Variants in CUL2 observed in about 807,000 individuals in gnomAD.
CUL2 encodes cullin-2.
In CUL2, 22 loss-of-function variants were observed where a neutral mutation model predicts 110.2. The observed-to-expected ratio is 0.20, with a 90% CI of 0.14 to 0.28. CUL2 has a LOEUF of 0.28. Ranked by LOEUF, CUL2 falls within the 10% of genes least tolerant of loss-of-function variation. The pLI is 1.00. For synonymous variants in CUL2, 279 were observed against 293.2 expected (o/e 0.95, Z 0.49); for missense variants, 631 against 905.5 (o/e 0.70, Z 3.89).
intron 12 of CUL2, 52 bp downstream of exon 12, chr10:35,032,383 T>C: frequency 2.1e-6 from 3 of 1,458,950 alleles, no homozygotes; most frequent in Non-Finnish European, 2.8e-6. Flanking sequence ...GAGTTCTCAT[T>C]TTCTAATACT....
At chr10:35,084,569 T>C (rs1342615253) in intron 1 of CUL2, among the ~76,000 whole-genome samples, 1 of 152,196 alleles carries the variant, frequency 6.6e-6, no homozygotes, top group Non-Finnish European at 1.5e-5. Flanking sequence ...CCAAAGATTA[T>C]GCTAACTGCA....
At chr10:35,054,561 A>C in intron 4 of CUL2, 22 bp from the exon 5 acceptor site, 37 of 1,282,074 alleles carry the variant, frequency 2.9e-5, no homozygotes, top group Non-Finnish European at 4.0e-5. Context: ...ATGTAATATC[A>C]ATGGATATTA....
chr10:35,066,245 A>AT (rs1444534483), intron 2 of CUL2, among the ~76,000 whole-genome samples: 3 of 152,196 alleles, frequency 2.0e-5, no homozygotes, highest in African/African-American at 7.2e-5. Context: ...AGACAACCAA[A>AT]AAAGGATTTG....
chr10:35,025,659 G>T (rs2085319992), intron 16 of CUL2, among the ~76,000 whole-genome samples: 1 of 152,130 alleles, frequency 6.6e-6, no homozygotes, highest in Admixed American at 6.5e-5. Context: ...TATATCTCTG[G>T]ATTATTCTTT....
intron 5 of CUL2, among the ~76,000 whole-genome samples, chr10:35,053,185 T>C (rs1473071145): frequency 6.6e-6 from 1 of 152,206 alleles, no homozygotes; most frequent in Non-Finnish European, 1.5e-5. Flanking sequence ...AGTGATTTTC[T>C]GGGAAGAGAA....
intron 1 of CUL2, among the ~76,000 whole-genome samples, chr10:35,084,769 T>C (rs1279123643): frequency 6.6e-6 from 1 of 152,184 alleles, no homozygotes; most frequent in Non-Finnish European, 1.5e-5. Context: ...GAGCCAGTCA[T>C]AAGTCCTCAT....
In CUL2 at chr10:35,090,189, A is replaced by C. The variant is rs1308633345; in HGVS notation, c.-33T>G. The C allele has an allele frequency of 6.5e-6, 1 of 152,944 alleles. No individual in the cohort carries two copies. Among genetic ancestry groups the C allele is most frequent in the Non-Finnish European group, 1.5e-5 (1 of 68,126 alleles). The allele number at this position is 152,944 out of a possible 1,614,324, so 9.5% of individuals were successfully genotyped here. ...CCTCAGCGGGGTTACCTTCTGCAGA[A>C]GCAGGGCAAGGGGCAGGGGACAAGG... On this transcript the variant is annotated 5_prime_UTR_variant, in exon 1 of 21. Transcript: ENST00000374749.
intron 17 of CUL2, among the ~76,000 whole-genome samples, chr10:35,019,068 T>C (rs753129544): frequency 1.3e-5 from 2 of 152,226 alleles, no homozygotes; most frequent in African/African-American, 2.4e-5. Flanking sequence ...AGGACTCTTA[T>C]CAACATTTAA....
chr10:35,020,166 TA>T (rs59866726), intron 17 of CUL2, among the ~76,000 whole-genome samples: 27,724 of 144,654 alleles, frequency 0.19, 2,570 homozygotes, highest in East Asian at 0.26. Flanking sequence ...AAAACAAATT[TA>T]AAAAAAAAAA....
At chr10:35,033,359 T>C in intron 10 of CUL2, 86 bp from the exon 11 acceptor site, 1 of 888,294 alleles carries the variant, frequency 1.1e-6, no homozygotes, top group Non-Finnish European at 1.8e-6. Context: ...TATTAGTAAA[T>C]TTTTCCTCAA....
At chr10:35,022,620 G>GAATA (rs1350344541) in intron 17 of CUL2, among the ~76,000 whole-genome samples, 3 of 152,290 alleles carry the variant, frequency 2.0e-5, no homozygotes, top group African/African-American at 7.2e-5. Flanking sequence ...TTTGTTAAAT[G>GAATA]AATAAATGGA....
chr10:35,090,501 G>C (rs905835492), upstream of CUL2: 1 of 152,434 alleles, frequency 6.6e-6, no homozygotes, highest in Non-Finnish European at 1.5e-5. Flanking sequence ...GCGGTAGGGA[G>C]GGGGGGAAAG....
intron 10 of CUL2, among the ~76,000 whole-genome samples, chr10:35,034,085 GT>G (rs2134736061): frequency 6.6e-6 from 1 of 152,294 alleles, no homozygotes; most frequent in Admixed American, 6.5e-5. Flanking sequence ...ACAAAAGTGA[GT>G]TTTCCCTCTT....
At chr10:35,078,848 C>A (rs190141306) in intron 1 of CUL2, among the ~76,000 whole-genome samples, 50 of 152,178 alleles carry the variant, frequency 3.3e-4, no homozygotes, top group African/African-American at 1.2e-3. Context: ...ATCAGCAGCA[C>A]CAATAAAAAT....
Position 35,033,201 on chromosome 10 carries a change from T to C in CUL2, c.1075A>G (p.Asn359Asp), listed in dbSNP as rs761732333. 1 of 1,613,620 alleles carries C rather than the reference T, an allele frequency of 6.2e-7. No homozygotes were observed. The highest frequency in any genetic ancestry group is 8.5e-7 in the Non-Finnish European group (1 of 1,179,784). Reference protein sequence around the residue: ...KFVQLINTVLNGDQHFMSALD... With the variant: ...KFVQLINTVLDGDQHFMSALD... ...GCACTCATAAAATGCTGATCACCAT[T>C]CAAAACAGTGTTGATAAGCTGAACA... The change falls in exon 11 of 21, where the codon AAT becomes GAT. Residue 359 changes from asparagine to aspartate, a missense_variant. Around this residue, in one of 3 missense-constraint regions of CUL2, gnomAD observed 338 missense variants for 442.5 expected, o/e 0.76. Transcript: ENST00000374749.
intron 1 of CUL2, chr10:35,074,116 T>C (rs978836025): frequency 6.0e-6 from 8 of 1,344,138 alleles, no homozygotes; most frequent in Non-Finnish European, 7.2e-6. Context: ...GAGGATACAG[T>C]GGACAAAACA....
chr10:35,054,650 CCTA>C (rs1344958511), intron 4 of CUL2, 111 bp from the exon 5 acceptor site: 2 of 533,146 alleles, frequency 3.8e-6, no homozygotes, highest in African/African-American at 3.9e-5. Flanking sequence ...CATGGAATAG[CCTA>C]CTAACAAATC....
At chr10:35,025,594 A>G (rs1783845224) in intron 16 of CUL2, among the ~76,000 whole-genome samples, 1 of 152,186 alleles carries the variant, frequency 6.6e-6, no homozygotes, top group Non-Finnish European at 1.5e-5. Context: ...CTAATCTCCC[A>G]TTTGCCAACA....
At chr10:35,079,324 G>A (rs932508007) in intron 1 of CUL2, among the ~76,000 whole-genome samples, 2 of 152,162 alleles carry the variant, frequency 1.3e-5, no homozygotes, top group East Asian at 1.9e-4. Context: ...CACATGCATC[G>A]GAAGGTCGGC....
Sources: gnomAD v4.1 joint callset for allele counts (sites outside exome capture counted in the v4.1 genomes callset) on GRCh38, gnomAD v4.1.1 for gene constraint, gnomAD v4.1.1 regional missense constraint, MANE v1.5 for transcripts, NCBI Gene and HGNC (gene_info 2026-07-23, HGNC 2026-07-21) for gene names.